The following KIAA1217 variants were observed in gnomAD, a reference collection of about 807,000 sequenced individuals.
The protein encoded by KIAA1217 is KIAA1217, also known as sickle tail protein homolog.
Under a neutral mutation model 163.9 loss-of-function variants are expected in KIAA1217, and 88 were observed. The observed-to-expected ratio is 0.54, with a 90% CI of 0.45 to 0.64. The LOEUF is 0.64. Ranked by LOEUF, KIAA1217 falls within the 30% of genes least tolerant of loss-of-function variation. The pLI, the probability that KIAA1217 is intolerant of heterozygous loss-of-function variation, is 0.00. For synonymous variants in KIAA1217, 903 were observed against 923.1 expected (o/e 0.98, Z 0.39); for missense variants, 2,372 against 2,475.0 (o/e 0.96, Z 0.88).
intron 1 of KIAA1217, among the ~76,000 whole-genome samples, chr10:23,934,984 C>T (rs573968950): frequency 6.6e-6 from 1 of 152,146 alleles, no homozygotes; most frequent in African/African-American, 2.4e-5. Context: ...TTCATCTAGC[C>T]TCCATGGATA....
intron 2 of KIAA1217, among the ~76,000 whole-genome samples, chr10:24,286,455 TAC>T (rs564445274): frequency 6.0e-4 from 90 of 150,018 alleles, no homozygotes; most frequent in Middle Eastern, 6.8e-3. Context: ...TATATATATA[TAC>T]ACACACACAC....
At chr10:24,166,510 G>A (rs2065350816) in intron 2 of KIAA1217, among the ~76,000 whole-genome samples, 1 of 152,082 alleles carries the variant, frequency 6.6e-6, no homozygotes, top group Admixed American at 6.6e-5. Context: ...GGTCAAGGCG[G>A]GTGGATCACT....
rs2250411 is a variant in KIAA1217 at position 24,544,208 on chromosome 10, C to T, written c.4938C>T (p.Ile1646=). Residue 1646 remains isoleucine, a synonymous_variant, in exon 19 of 21, where the codon ATC becomes ATT. Transcript: ENST00000376454. ...TGAGGAGGCAAGAGCAGCCCAGCAT[C>T]GAGAGTACATCTCCGATTTCAAGAA... is the stretch of plus-strand genomic sequence containing the variant. ...NTVRRQEQPS[I]ESTSPISRTD... is the part of the protein sequence containing the mutation. 0.36 allele frequency: 585,756 copies of T among 1,613,438 alleles called. 110,390 individuals are homozygous for T. Among genetic ancestry groups the T allele is most frequent in the Non-Finnish European group, 0.4 (467,526 of 1,179,686 alleles).
chr10:24,542,681 C>T lies in KIAA1217; in HGVS notation c.3535-12C>T. The stretch of plus-strand genomic sequence containing the variant: ...GTTTTGTGGAGTAACATGTCCTACA[C>T]TATTCTACCAGAATTTGGAATTTTT... On this transcript the variant is annotated splice_polypyrimidine_tract_variant and intron_variant, in intron 17 of 20. Transcript: ENST00000376454. 1 of 1,612,558 alleles carries T rather than the reference C, an allele frequency of 6.2e-7. No individual in the cohort carries two copies. Among genetic ancestry groups the T allele is most frequent in the Non-Finnish European group, 8.5e-7 (1 of 1,178,528 alleles).
chr10:24,272,473 G>A lies in KIAA1217; in HGVS notation c.354+52564G>A, dbSNP rs764470989. Among the ~76,000 whole-genome samples, 3 of 152,172 alleles carry A rather than the reference G, an allele frequency of 2.0e-5. 1 individual carries two copies. The highest frequency in any genetic ancestry group is 4.4e-5 in the Non-Finnish European group (3 of 68,026). On this transcript the variant is annotated intron_variant, in intron 2 of 20. Transcript: ENST00000376454. ...TGAGCAATCTGTTGTTGAAAGGAGA[G>A]TACGAGTTCTAAAAGCTACTCTAGG...
intron 3 of KIAA1217, among the ~76,000 whole-genome samples, chr10:24,424,892 C>T (rs888890194): frequency 2.0e-5 from 3 of 152,162 alleles, no homozygotes; most frequent in African/African-American, 4.8e-5. Context: ...TGAGCCACCG[C>T]GCCCGGCCTC....
At chr10:24,449,295 C>A (rs1033098442) in intron 5 of KIAA1217, 3 of 187,460 alleles carry the variant, frequency 1.6e-5, no homozygotes, top group South Asian at 3.6e-4. Flanking sequence ...ATCTTTCCTG[C>A]TGCGTGGCTG....
intron 2 of KIAA1217, among the ~76,000 whole-genome samples, chr10:24,062,644 G>A (rs1475237594): frequency 6.6e-6 from 1 of 151,852 alleles, no homozygotes; most frequent in Non-Finnish European, 1.5e-5. Context: ...AAGCCTTTGG[G>A]TATATACCCA....
At chr10:24,271,984 G>A (rs1206673945) in intron 2 of KIAA1217, among the ~76,000 whole-genome samples, 1 of 152,108 alleles carries the variant, frequency 6.6e-6, no homozygotes, top group Admixed American at 6.6e-5. Flanking sequence ...GGTTACAAGA[G>A]GCACAGAGAG....
intron 2 of KIAA1217, among the ~76,000 whole-genome samples, chr10:24,094,452 C>G (rs2131695936): frequency 6.6e-6 from 1 of 152,352 alleles, no homozygotes; most frequent in Non-Finnish European, 1.5e-5. Flanking sequence ...CTCTAACAGA[C>G]AGGACCCTCA....
At chr10:23,731,057 T>C (rs1371504733) in intron 1 of KIAA1217, among the ~76,000 whole-genome samples, 1 of 152,212 alleles carries the variant, frequency 6.6e-6, no homozygotes, top group Non-Finnish European at 1.5e-5. Context: ...AGGGAACATG[T>C]CTTTTATTTC....
intron 2 of KIAA1217, among the ~76,000 whole-genome samples, chr10:24,094,088 G>A (rs1445981332): frequency 6.6e-6 from 1 of 151,844 alleles, no homozygotes; most frequent in Non-Finnish European, 1.5e-5. Context: ...TTTTGCTATT[G>A]TGAATAGTGC....
intron 1 of KIAA1217, among the ~76,000 whole-genome samples, chr10:23,701,547 A>T (rs1478709594): frequency 6.6e-6 from 1 of 152,146 alleles, no homozygotes; most frequent in African/African-American, 2.4e-5. Flanking sequence ...GGCCTCCTGA[A>T]CCAGCAAAGT....
At chr10:23,710,312 C>T (rs1056353221) in intron 1 of KIAA1217, among the ~76,000 whole-genome samples, 1 of 152,176 alleles carries the variant, frequency 6.6e-6, no homozygotes, top group Non-Finnish European at 1.5e-5. Context: ...TAATGCTGTT[C>T]TCAGTTAAAC....
intron 2 of KIAA1217, among the ~76,000 whole-genome samples, chr10:24,296,873 C>T (rs541681406): frequency 6.6e-5 from 10 of 152,154 alleles, no homozygotes; most frequent in Admixed American, 2.0e-4. Context: ...GCACTCTACA[C>T]GTGTATAGTT....
chr10:24,432,420 G>T (rs536083333), intron 3 of KIAA1217, among the ~76,000 whole-genome samples: 1 of 151,806 alleles, frequency 6.6e-6, no homozygotes, highest in Non-Finnish European at 1.5e-5. Flanking sequence ...GCCTGGCCAA[G>T]TATTGTCTTT....
intron 1 of KIAA1217, among the ~76,000 whole-genome samples, chr10:23,940,706 T>C (rs1231055509): frequency 6.6e-6 from 1 of 152,148 alleles, no homozygotes; most frequent in Non-Finnish European, 1.5e-5. Context: ...AGAACAAGTC[T>C]CAGCAAATTT....
chr10:24,543,501 A>G lies in KIAA1217; in HGVS notation c.4231A>G (p.Ile1411Val), dbSNP rs147986443. ...HDIVSQKGED[I>V]QTVNIDARKE... is the part of the protein sequence containing the mutation. ...TATTGTTAGCCAAAAGGGAGAAGAC[A>G]TACAGACGGTTAATATCGATGCCAG... The change falls in exon 19 of 21, where the codon ATA becomes GTA. Residue 1411 changes from isoleucine (I) to valine (V), a missense_variant. By Grantham distance (29) the Ile-to-Val change is conservative. This residue lies in a region of KIAA1217 where 690 missense variants were observed against 677.5 expected (regional missense o/e 1.02). Coordinates refer to ENST00000376454, the MANE Select transcript of KIAA1217 (RefSeq NM_019590.5). 60 of 1,614,064 alleles carry G rather than the reference A, an allele frequency of 3.7e-5. No homozygotes were observed. In the African/African-American group the frequency reaches 7.3e-4, roughly 20 times the overall value.
chr10:23,944,451 A>T (rs1008555182), intron 1 of KIAA1217, among the ~76,000 whole-genome samples: 4 of 151,926 alleles, frequency 2.6e-5, no homozygotes, highest in African/African-American at 9.7e-5. Flanking sequence ...AGTATATCAG[A>T]ATATGTAATA....
Sources: allele counts gnomAD v4.1 joint callset (sites outside exome capture counted in the v4.1 genomes callset), GRCh38; gene constraint gnomAD v4.1.1; regional missense constraint gnomAD v4.1.1; transcripts MANE v1.5; gene names NCBI Gene and HGNC (gene_info 2026-07-23, HGNC 2026-07-21).